ADAM29: variants seen among roughly 807,000 people sequenced by gnomAD.
ADAM29 encodes disintegrin and metalloproteinase domain-containing protein 29.
For synonymous variants in ADAM29, 367 were observed against 342.3 expected, an observed-to-expected ratio of 1.07 and a Z score of -0.80; for missense variants, 969 against 1,001.8, an observed-to-expected ratio of 0.97 and a Z score of 0.44.
chr4:174,975,551 G>T lies in ADAM29; in HGVS notation c.26G>T (p.Cys9Phe). MKMLLLLH[C>F]LGVFLSCSGH... ...ATGAAGATGTTACTCCTGCTGCATT[G>T]CCTTGGGGTGTTTCTGTCCTGTTCT... Residue 9 changes from cysteine (C) to phenylalanine (F), a missense_variant, in exon 5 of 5, where the codon TGC becomes TTC. Physicochemically the swap from Cys to Phe is radical, Grantham distance 205. Transcript: ENST00000359240. 1 of 1,526,064 alleles carries T rather than the reference G, an allele frequency of 6.6e-7. No homozygotes were observed. Among genetic ancestry groups the T allele is most frequent in the Non-Finnish European group, 8.8e-7 (1 of 1,138,180 alleles). 94.5% of individuals were successfully genotyped at this position (1,526,064 alleles called of 1,614,324 possible).
intron 4 of ADAM29, among the ~76,000 whole-genome samples, chr4:174,952,776 T>A (rs1015490377): frequency 6.6e-6 from 1 of 152,148 alleles, no homozygotes; most frequent in Non-Finnish European, 1.5e-5. Flanking sequence ...GTGCAAAGAC[T>A]GTCTGCAGAT....
chr4:174,965,876 G>T (rs1333690993), intron 4 of ADAM29, among the ~76,000 whole-genome samples: 1 of 152,154 alleles, frequency 6.6e-6, no homozygotes, highest in Non-Finnish European at 1.5e-5. Context: ...GCTTCAACAT[G>T]TGAATTAGTG....
chr4:174,973,177 C>T (rs1448152927), intron 4 of ADAM29, among the ~76,000 whole-genome samples: 1 of 152,174 alleles, frequency 6.6e-6, no homozygotes, highest in Admixed American at 6.5e-5. Flanking sequence ...CCATCTCCAT[C>T]CTCTGCAGAA....
chr4:174,948,115 T>C (rs1242098149), intron 4 of ADAM29, among the ~76,000 whole-genome samples: 4 of 152,196 alleles, frequency 2.6e-5, no homozygotes, highest in East Asian at 1.9e-4. Flanking sequence ...GCTTGCACTT[T>C]CCTAAATCTT....
At chr4:174,922,848 C>T (rs923178599) in intron 2 of ADAM29, among the ~76,000 whole-genome samples, 13 of 151,686 alleles carry the variant, frequency 8.6e-5, no homozygotes, top group African/African-American at 2.2e-4. Context: ...ATATAATCTT[C>T]GAAATCTCAC....
At chr4:174,969,711 G>C (rs913658345) in intron 4 of ADAM29, among the ~76,000 whole-genome samples, 2 of 151,852 alleles carry the variant, frequency 1.3e-5, no homozygotes, top group Admixed American at 6.6e-5. Flanking sequence ...TAAACACCAA[G>C]TATTTTGATG....
At chr4:174,923,517 CATTAT>C (rs370367022) in intron 2 of ADAM29, among the ~76,000 whole-genome samples, 15,381 of 69,366 alleles carry the variant, frequency 0.22, 1,131 homozygotes, top group East Asian at 0.43. Context: ...ATATACTGTG[CATTAT>C]ATGTATATAT....
chr4:174,928,845 A>T (rs1340318199), intron 2 of ADAM29, among the ~76,000 whole-genome samples: 1 of 152,168 alleles, frequency 6.6e-6, no homozygotes, highest in African/African-American at 2.4e-5. Flanking sequence ...TACTTTTCAA[A>T]AGGATGACTC....
At chr4:174,952,350 CCACACACACACACACA>C (rs70947476) in intron 4 of ADAM29, among the ~76,000 whole-genome samples, 4 of 144,890 alleles carry the variant, frequency 2.8e-5, no homozygotes, top group African/African-American at 7.6e-5. Context: ...AGTGCAATAA[CCACACACACACACACA>C]CACACACACA....
chr4:174,977,020 C>G lies in ADAM29; in HGVS notation c.1495C>G (p.His499Asp), dbSNP rs1382239619. Residue 499 changes from histidine (H) to aspartate (D), a missense_variant, in exon 5 of 5, where the codon CAT becomes GAT. Physicochemically the swap from His to Asp is moderately conservative, Grantham distance 81. Transcript: ENST00000359240. The part of the protein sequence containing the change: ...ERGYCYEKSC[H>D]DRNEQCRRIF... ...GGGCTACTGCTATGAAAAGAGCTGT[C>G]ATGACCGCAATGAACAGTGTAGGAG... The G allele has an allele frequency of 6.2e-7, 1 of 1,614,158 alleles. No homozygotes were observed.
rs946997786 is a variant in ADAM29 at position 174,976,040 on chromosome 4, C to T, written c.515C>T (p.Thr172Ile). The T allele has an allele frequency of 4.3e-6, 7 of 1,611,748 alleles. No individual in the cohort carries two copies. The highest frequency in any genetic ancestry group is 5.9e-6 in the Non-Finnish European group (7 of 1,179,472). ...MRSGFMQNEI[T>I]CRMEFEEIDN... is the part of the protein sequence containing the mutation. ...TCCGGATTTATGCAAAATGAAATAACATGCCGAATGGAATTTGAAGAAATT... is the reference window on the plus strand; with the variant it reads ...TCCGGATTTATGCAAAATGAAATAATATGCCGAATGGAATTTGAAGAAATT... Residue 172 changes from threonine (T) to isoleucine (I), a missense_variant, in exon 5 of 5, where the codon ACA becomes ATA. Coordinates refer to ENST00000359240, the MANE Select transcript of ADAM29 (RefSeq NM_014269.4).
intron 2 of ADAM29, among the ~76,000 whole-genome samples, chr4:174,924,406 T>C (rs962783946): frequency 1.3e-5 from 2 of 152,206 alleles, no homozygotes; most frequent in African/African-American, 4.8e-5. Context: ...CTTGGGAGTT[T>C]CTTACAAAGT....
chr4:174,953,735 G>A (rs1213977721), intron 4 of ADAM29, among the ~76,000 whole-genome samples: 1 of 151,916 alleles, frequency 6.6e-6, no homozygotes, highest in Admixed American at 6.6e-5. Flanking sequence ...TTCTGAGATG[G>A]GGTCTTGCTC....
At chr4:174,922,252 A>G (rs555116118) in intron 2 of ADAM29, among the ~76,000 whole-genome samples, 1 of 152,356 alleles carries the variant, frequency 6.6e-6, no homozygotes, top group South Asian at 2.1e-4. Flanking sequence ...TGTTGATGAC[A>G]ATAGCTTATC....
In ADAM29 at chr4:174,939,109, G is replaced by A. The variant is rs183091745; in HGVS notation, c.-181+2096G>A. 7.2e-5 allele frequency among the ~76,000 whole-genome samples: 11 copies of A among 152,228 alleles called. No homozygotes were observed. The East Asian group carries it at 2.1e-3, about 29-fold the overall frequency. On this transcript the variant is annotated intron_variant, in intron 4 of 4. Transcript: ENST00000359240. ...TCCTTAACTTACTTATCTGCAAAGA[G>A]TCTTTCTGCAAAGAGTCTTTCTTCC... is the stretch of plus-strand genomic sequence containing the variant.
chr4:174,945,950 C>T (rs931553868), intron 4 of ADAM29, among the ~76,000 whole-genome samples: 6 of 152,044 alleles, frequency 3.9e-5, no homozygotes, highest in African/African-American at 1.4e-4. Context: ...GTTCTTTTTG[C>T]TTAGAATTGC....
At chr4:174,942,151 C>T (rs183633409) in intron 4 of ADAM29, among the ~76,000 whole-genome samples, 1 of 152,300 alleles carries the variant, frequency 6.6e-6, no homozygotes, top group Admixed American at 6.5e-5. Context: ...GGTACAGTCC[C>T]CATGACGGCT....
intron 2 of ADAM29, among the ~76,000 whole-genome samples, chr4:174,928,475 G>A (rs1743648935): frequency 6.6e-6 from 1 of 150,552 alleles, no homozygotes; most frequent in Non-Finnish European, 1.5e-5. Context: ...TGTCACAAAC[G>A]ACTGCATTGT....
At position 174,976,176 on chromosome 4, in the gene ADAM29, C is replaced by T. The variant is rs368428894; in HGVS notation, c.651C>T (p.Asn217=). 119 of 1,610,584 alleles carry T rather than the reference C, an allele frequency of 7.4e-5. 1 individual carries two copies. In the Middle Eastern group the frequency reaches 1.8e-3, roughly 25 times the overall value. Residue 217 remains asparagine, a synonymous_variant, in exon 5 of 5, where the codon AAC becomes AAT. Coordinates refer to ENST00000359240, the MANE Select transcript of ADAM29 (RefSeq NM_014269.4). ...ATCTGTACATTCGTTATGAAAGGAA[C>T]GACTCAAAGTTGCTGGAGGATCTAT... ...DNYLYIRYER[N]DSKLLEDLYV... is the part of the protein sequence containing the mutation.
Sources: allele counts gnomAD v4.1 joint callset (sites outside exome capture counted in the v4.1 genomes callset), GRCh38; gene constraint gnomAD v4.1.1; transcripts MANE v1.5; gene names NCBI Gene and HGNC (gene_info 2026-07-23, HGNC 2026-07-21).